Variants in AKAP9 observed in about 807,000 individuals in gnomAD.
AKAP9 encodes A-kinase anchor protein 9.
Under a neutral mutation model 488.5 loss-of-function variants are expected in AKAP9, and 311 were observed. The ratio of observed to expected loss-of-function variants is 0.64; its 90% CI spans 0.58 to 0.70. The LOEUF (loss-of-function observed/expected upper bound fraction) is 0.70, where lower values mean the gene tolerates loss of function less well. Among genes scored for constraint, AKAP9 ranks in the 30% least tolerant of loss-of-function variants. The pLI, the probability that AKAP9 is intolerant of heterozygous loss-of-function variation, is 0.00. For missense variants in AKAP9, 4,215 were observed against 4,374.5 expected (o/e 0.96, Z 1.03); for synonymous variants, 1,462 against 1,483.5 (o/e 0.99, Z 0.33).
In AKAP9 at chr7:92,099,723, T is replaced by C. The variant is rs753744448; in HGVS notation, c.10750T>C (p.Leu3584=). The change falls in exon 44 of 50, where the codon TTG becomes CTG. Residue 3584 remains leucine, a synonymous_variant. Coordinates refer to ENST00000356239, the MANE Select transcript of AKAP9 (RefSeq NM_005751.5). ...LVSPSTSCGS[L]TERLLRQNAE... Reference sequence around the variant, plus strand: ...GTCCCCAAGTACTTCTTGTGGCTCATTGACTGAAAGACTACTGAGACAAAA... The same window carrying C: ...GTCCCCAAGTACTTCTTGTGGCTCACTGACTGAAAGACTACTGAGACAAAA... 1 of 1,614,114 alleles carries C rather than the reference T, an allele frequency of 6.2e-7. No homozygotes were observed. Among genetic ancestry groups the C allele is most frequent in the Non-Finnish European group, 8.5e-7 (1 of 1,179,962 alleles).
At chr7:92,054,054 A>G (rs1454109092) in intron 22 of AKAP9, among the ~76,000 whole-genome samples, 1 of 152,180 alleles carries the variant, frequency 6.6e-6, no homozygotes, top group Non-Finnish European at 1.5e-5. Flanking sequence ...AAAATGAAGT[A>G]TTTCTTAAGT....
At position 92,027,680 on chromosome 7, in the gene AKAP9, C is replaced by T. The variant is rs1443231788; in HGVS notation, c.4149-2215C>T. Among the ~76,000 whole-genome samples the T allele has an allele frequency of 6.7e-5, 10 of 148,308 alleles. No homozygotes were observed. In the East Asian group the frequency reaches 1.2e-3, roughly 18 times the overall value. ...GCCGCCCCGTCTGGGATGTGAGGAG[C>T]GCCTCTGCCTGGCCGCCCCGTCTGG... On this transcript the variant is annotated intron_variant, in intron 14 of 49. Coordinates refer to ENST00000356239, the MANE Select transcript of AKAP9 (RefSeq NM_005751.5).
chr7:92,059,503 G>C (rs1809371406), intron 22 of AKAP9, among the ~76,000 whole-genome samples: 1 of 151,512 alleles, frequency 6.6e-6, no homozygotes, highest in Non-Finnish European at 1.5e-5. Flanking sequence ...TATTTAAATG[G>C]ATTATAAGGC....
In AKAP9 at chr7:92,108,542, T is replaced by G. The variant is rs1461337704; in HGVS notation, c.11595T>G (p.Ser3865=). The change falls in exon 49 of 50, where the codon TCT becomes TCG. Residue 3865 remains serine (S), a synonymous_variant. Transcript: ENST00000356239. The stretch of plus-strand genomic sequence containing the variant: ...TCAATCCTGGTTCTTTAGCATGTTC[T>G]CAGCTTCAGAATTACGATCCTGACA... ...ADFNPGSLAC[S]QLQNYDPDRA... is the part of the protein sequence containing the mutation. The G allele has an allele frequency of 2.5e-6, 4 of 1,614,196 alleles. No individual in the cohort carries two copies. Among genetic ancestry groups the G allele is most frequent in the Non-Finnish European group, 3.4e-6 (4 of 1,180,008 alleles).
At chr7:92,108,757 ATTAAG>A in intron 49 of AKAP9, 124 bp downstream of exon 49, 1 of 1,171,514 alleles carries the variant, frequency 8.5e-7, no homozygotes, top group Non-Finnish European at 1.3e-6. Flanking sequence ...TGAGCTAATT[ATTAAG>A]TTAGCCAAAG....
intron 7 of AKAP9, among the ~76,000 whole-genome samples, chr7:92,000,164 C>T (rs1348613655): frequency 6.6e-6 from 1 of 152,324 alleles, no homozygotes; most frequent in South Asian, 2.1e-4. Flanking sequence ...CAAATAAGAA[C>T]TGGGGGAGAG....
chr7:92,036,012 GT>G (rs894336586), intron 16 of AKAP9, among the ~76,000 whole-genome samples: 209 of 143,184 alleles, frequency 1.5e-3, no homozygotes, highest in South Asian at 1.8e-3. Flanking sequence ...TTCTTTAGAA[GT>G]TTTTTTTTTT....
chr7:92,106,944 T>C lies in AKAP9; in HGVS notation c.11417-349T>C, dbSNP rs374539324. Among the ~76,000 whole-genome samples, 4 of 152,318 alleles carry C rather than the reference T, an allele frequency of 2.6e-5. 1 individual carries two copies. On this transcript the variant is annotated intron_variant, in intron 47 of 49. Transcript: ENST00000356239. ...AATGGTTACATTGGTCTAATATTTT[T>C]TATCCACATCATTTCCCACAAGCCA...
chr7:91,995,340 G>C (rs1584762098), intron 6 of AKAP9, among the ~76,000 whole-genome samples: 1 of 152,144 alleles, frequency 6.6e-6, no homozygotes, highest in Admixed American at 6.5e-5. Context: ...AGGGAATTCG[G>C]GAAGTACTGT....
intron 21 of AKAP9, among the ~76,000 whole-genome samples, chr7:92,050,294 A>G (rs1196701224): frequency 6.6e-6 from 1 of 151,382 alleles, no homozygotes; most frequent in Non-Finnish European, 1.5e-5. Context: ...ATGGAGTTTC[A>G]CCATATTAGC....
At chr7:92,053,226 A>G (rs1027713788) in intron 22 of AKAP9, among the ~76,000 whole-genome samples, 1 of 152,096 alleles carries the variant, frequency 6.6e-6, no homozygotes, top group African/African-American at 2.4e-5. Flanking sequence ...TGTGATTTGT[A>G]CTTTCATATA....
chr7:92,031,393 A>T (rs772353791), intron 15 of AKAP9, 119 bp from the exon 16 acceptor site: 4 of 676,624 alleles, frequency 5.9e-6, no homozygotes, highest in Non-Finnish European at 1.0e-5. Flanking sequence ...TTTTTTGCTG[A>T]AAGTATGTAG....
rs560634550 is a variant in AKAP9 at position 92,016,208 on chromosome 7, G to T, written c.3692G>T (p.Gly1231Val). The change falls in exon 11 of 50, where the codon GGT (glycine) becomes GTT (valine). Residue 1231 changes from glycine (G) to valine (V), a missense_variant. This residue lies in a region of AKAP9 where 2,361 missense variants were observed against 2,430.0 expected (regional missense o/e 0.97). Transcript: ENST00000356239. ...EVNAEDKENS[G>V]DYISENEDPE... ...AATGCAGAAGACAAAGAGAATTCTG[G>T]TGATTACATTTCTGAAAATGAAGAT... 3.8e-6 allele frequency: 6 copies of T among 1,582,776 alleles called. No homozygotes were observed. In the South Asian group the frequency reaches 6.7e-5, roughly 18 times the overall value.
chr7:92,105,637 T>C (rs1194695042), intron 46 of AKAP9, 41 bp from the exon 47 acceptor site: 2 of 1,403,214 alleles, frequency 1.4e-6, no homozygotes, highest in Non-Finnish European at 2.0e-6. Context: ...ATATACTGTT[T>C]ATAGATGGGC....
chr7:91,970,862 C>T (rs375811400), intron 1 of AKAP9, among the ~76,000 whole-genome samples: 6 of 152,104 alleles, frequency 3.9e-5, no homozygotes, highest in East Asian at 1.9e-4. Context: ...TGTTCTCTAA[C>T]GTTCCTATAC....
intron 49 of AKAP9, chr7:92,109,189 A>G (rs929568464): frequency 5.0e-6 from 1 of 200,094 alleles, no homozygotes; most frequent in Non-Finnish European, 1.0e-5. Context: ...AAACTATCCC[A>G]TTTAAAATAC....
At chr7:92,021,242 T>TAC (rs1215090944) in intron 12 of AKAP9, among the ~76,000 whole-genome samples, 55 of 152,354 alleles carry the variant, frequency 3.6e-4, no homozygotes, top group Non-Finnish European at 7.2e-4. Context: ...TTTTATAGTT[T>TAC]AGCCGTTCTC....
chr7:92,077,009 TAATTAG>T lies in AKAP9; in HGVS notation c.6765+3_6765+8del. 6.5e-7 allele frequency: 1 copy of T among 1,543,442 alleles called. No homozygotes were observed. Among genetic ancestry groups the T allele is most frequent in the Non-Finnish European group, 8.8e-7 (1 of 1,138,796 alleles). On this transcript the variant is annotated splice_donor_5th_base_variant and intron_variant, in intron 29 of 49. Coordinates refer to ENST00000356239, the MANE Select transcript of AKAP9 (RefSeq NM_005751.5). ...GAACAGGAAAACAAATTATTTAAGG[TAATTAG>T]TTAAGAAAAACTTTTATCTGTAAAT...
rs60385804 is a variant in AKAP9 at position 91,980,495 on chromosome 7, C to CTTTTTTTTTTTTTTTTTTTTTTTTTTTTT, written c.351+185_351+186insTTTTTTTTTTTTTTTTTTTTTTTTTTTTT. 4.1e-5 allele frequency among the ~76,000 whole-genome samples: 2 copies of CTTTTTTTTTTTTTTTTTTTTTTTTTTTTT among 48,756 alleles called. 1 individual carries two copies. Among genetic ancestry groups the CTTTTTTTTTTTTTTTTTTTTTTTTTTTTT allele is most frequent in the African/African-American group, 1.9e-4 (2 of 10,702 alleles). The allele number at this position is 48,756 out of a possible 152,430, so 32.0% of individuals were successfully genotyped here. On this transcript the variant is annotated intron_variant, in intron 3 of 49. Transcript: ENST00000356239. The stretch of plus-strand genomic sequence containing the variant: ...GAACCTGAGGATTATGTATTACTGA[C>CTTTTTTTTTTTTTTTTTTTTTTTTTTTTT]TTTTTTTTTTTTTTTTTTTTTTTCA...
Sources: gnomAD v4.1 joint callset for allele counts (sites outside exome capture counted in the v4.1 genomes callset) on GRCh38, gnomAD v4.1.1 for gene constraint, gnomAD v4.1.1 regional missense constraint, MANE v1.5 for transcripts, NCBI Gene and HGNC (gene_info 2026-07-23, HGNC 2026-07-21) for gene names.